The following KCNN3 variants were observed in gnomAD, a reference collection of about 807,000 sequenced individuals.
KCNN3 encodes the protein small conductance calcium-activated potassium channel protein 3.
A neutral mutation model predicts 62.9 loss-of-function variants in KCNN3; 16 were observed. The ratio of observed to expected loss-of-function variants is 0.25; its 90% CI spans 0.17 to 0.39. KCNN3 has a LOEUF of 0.39. KCNN3 is among the 10% of genes least tolerant of loss of function. The pLI is 1.00. For missense variants in KCNN3, 599 were observed against 949.4 expected, an observed-to-expected ratio of 0.63 and a Z score of 4.85; for synonymous variants, 370 against 389.2, an observed-to-expected ratio of 0.95 and a Z score of 0.58.
chr1:154,822,298 C>T, intron 1 of KCNN3, 114 bp from the exon 2 acceptor site: 4 of 801,132 alleles, frequency 5.0e-6, no homozygotes, highest in Non-Finnish European at 8.6e-6. Flanking sequence ...CTGTTACCAG[C>T]CCCTCCTAGG....
In KCNN3 at chr1:154,697,581, G is replaced by A. The variant is rs1421778523; in HGVS notation, c.*10395C>T. 6.6e-6 allele frequency: 1 copy of A among 152,138 alleles called. No individual in the cohort carries two copies. Among genetic ancestry groups the A allele is most frequent in the Non-Finnish European group, 1.5e-5 (1 of 68,028 alleles). 9.4% of individuals were successfully genotyped at this position (152,138 alleles called of 1,614,324 possible). A position where few individuals can be genotyped will look rare whatever the true frequency, so the allele number is the denominator to read the frequency against. On this transcript the variant is annotated 3_prime_UTR_variant, in exon 8 of 8. Coordinates refer to ENST00000271915, the MANE Select transcript of KCNN3 (RefSeq NM_002249.6). ...CAGCTTCAGTTCAAGCAGGAGTGGGGAAGGCCATAGACTAAGCCCACCTTC... is the reference window on the plus strand; with the variant it reads ...CAGCTTCAGTTCAAGCAGGAGTGGGAAAGGCCATAGACTAAGCCCACCTTC...
chr1:154,852,224 G>A (rs1389060465), intron 1 of KCNN3, among the ~76,000 whole-genome samples: 2 of 147,792 alleles, frequency 1.4e-5, no homozygotes, highest in Non-Finnish European at 3.0e-5. Context: ...TTTTTTTCTC[G>A]GACGGGGAGT....
chr1:154,865,739 A>G (rs761573159), intron 1 of KCNN3, among the ~76,000 whole-genome samples: 1 of 152,170 alleles, frequency 6.6e-6, no homozygotes. Flanking sequence ...CCCGCCAAAC[A>G]TAGGTGAACA....
intron 2 of KCNN3, among the ~76,000 whole-genome samples, chr1:154,777,284 G>C (rs1016184371): frequency 6.6e-6 from 1 of 152,084 alleles, no homozygotes; most frequent in African/African-American, 2.4e-5. Flanking sequence ...GACAGGAACC[G>C]TGCCTGGCTC....
At position 154,713,456 on chromosome 1, in the gene KCNN3, C is replaced by G. The variant is rs1700120313; in HGVS notation, c.1899+8G>C. On this transcript the variant is annotated splice_region_variant and intron_variant, in intron 7 of 7. Coordinates refer to ENST00000271915, the MANE Select transcript of KCNN3 (RefSeq NM_002249.6). Reference sequence around the variant, plus strand: ...TTCTAGGGGATGTCTCCAGACACTGCCACTCACCTTGGAAAGGTCCACCAG... The same window carrying G: ...TTCTAGGGGATGTCTCCAGACACTGGCACTCACCTTGGAAAGGTCCACCAG... 1 of 1,610,160 alleles carries G rather than the reference C, an allele frequency of 6.2e-7. No individual in the cohort carries two copies. Among genetic ancestry groups the G allele is most frequent in the Non-Finnish European group, 8.5e-7 (1 of 1,176,414 alleles).
At chr1:154,766,684 G>GC (rs778616164) in intron 3 of KCNN3, among the ~76,000 whole-genome samples, 1 of 135,412 alleles carries the variant, frequency 7.4e-6, no homozygotes, top group Admixed American at 7.4e-5. Context: ...TTTGGGGTTT[G>GC]TTTTTTTTTT....
Position 154,706,710 on chromosome 1 carries a change from A to G in KCNN3, c.*1266T>C, listed in dbSNP as rs1393501721. The G allele has an allele frequency of 6.6e-6, 1 of 152,236 alleles. No individual in the cohort carries two copies. The highest frequency in any genetic ancestry group is 2.4e-5 in the African/African-American group (1 of 41,458). 9.4% of individuals were successfully genotyped at this position (152,236 alleles called of 1,614,324 possible). A position where few individuals can be genotyped will look rare whatever the true frequency, so the allele number is the denominator to read the frequency against. The stretch of plus-strand genomic sequence containing the variant: ...TTTCATTTTGAGATGACTTAAGGTC[A>G]GGTAGAAGGGACCACATAGGCCACT... On this transcript the variant is annotated 3_prime_UTR_variant, in exon 8 of 8. Coordinates refer to ENST00000271915, the MANE Select transcript of KCNN3 (RefSeq NM_002249.6).
At chr1:154,770,132 C>T (rs1648480168) in intron 3 of KCNN3, among the ~76,000 whole-genome samples, 1 of 152,112 alleles carries the variant, frequency 6.6e-6, no homozygotes, top group Non-Finnish European at 1.5e-5. Context: ...GCAGTGTGGT[C>T]CCACTCAGAG....
At chr1:154,713,317 C>G in intron 7 of KCNN3, 147 bp downstream of exon 7, 1 of 686,002 alleles carries the variant, frequency 1.5e-6, no homozygotes, top group South Asian at 1.5e-5. Flanking sequence ...AAACTTGAGC[C>G]TAGGTATTTT....
chr1:154,730,450 A>G (rs1242160972), intron 4 of KCNN3, among the ~76,000 whole-genome samples: 2 of 152,170 alleles, frequency 1.3e-5, no homozygotes, highest in African/African-American at 4.8e-5. Flanking sequence ...TAGTAAAGGC[A>G]CTTGCAATAA....
chr1:154,866,926 G>C (rs1377491646), intron 1 of KCNN3, among the ~76,000 whole-genome samples: 3 of 152,212 alleles, frequency 2.0e-5, no homozygotes, highest in East Asian at 3.9e-4. Flanking sequence ...AAGAGGGCCT[G>C]ATCCTGCAGA....
At chr1:154,838,095 G>T (rs1418366420) in intron 1 of KCNN3, among the ~76,000 whole-genome samples, 1 of 152,182 alleles carries the variant, frequency 6.6e-6, no homozygotes, top group African/African-American at 2.4e-5. Context: ...GCTGACAGGG[G>T]TCAGGCGGCC....
intron 1 of KCNN3, among the ~76,000 whole-genome samples, chr1:154,828,783 T>G (rs1270469266): frequency 6.6e-6 from 1 of 152,250 alleles, no homozygotes; most frequent in Admixed American, 6.5e-5. Flanking sequence ...CAGATGTCAG[T>G]GCAGGTAAAT....
chr1:154,743,446 T>C (rs548889718), intron 3 of KCNN3, among the ~76,000 whole-genome samples: 3 of 152,156 alleles, frequency 2.0e-5, no homozygotes, highest in Non-Finnish European at 4.4e-5. Flanking sequence ...TCTGAGCCCA[T>C]CTCACCTTCG....
chr1:154,705,133 T>C lies in KCNN3; in HGVS notation c.*2843A>G, dbSNP rs1261064526. The C allele has an allele frequency of 6.6e-6, 1 of 152,134 alleles. No homozygotes were observed. Among genetic ancestry groups the C allele is most frequent in the Non-Finnish European group, 1.5e-5 (1 of 68,034 alleles). The allele number at this position is 152,134 out of a possible 1,614,324, so 9.4% of individuals were successfully genotyped here. A position where few individuals can be genotyped will look rare whatever the true frequency, so the allele number is the denominator to read the frequency against. On this transcript the variant is annotated 3_prime_UTR_variant, in exon 8 of 8. Transcript: ENST00000271915. The stretch of plus-strand genomic sequence containing the variant: ...TCCACCACAAAACTTGAAAATAAGG[T>C]ACAAGAAGGCATGACATGAGAATCC...
chr1:154,714,553 T>TGA, intron 6 of KCNN3, among the ~76,000 whole-genome samples: 1 of 76,604 alleles, frequency 1.3e-5, no homozygotes, highest in Non-Finnish European at 2.7e-5. Context: ...GGTGTGTGTG[T>TGA]GTGGTGTGTG....
chr1:154,865,954 C>T (rs1167952682), intron 1 of KCNN3, among the ~76,000 whole-genome samples: 2 of 152,170 alleles, frequency 1.3e-5, no homozygotes, highest in African/African-American at 4.8e-5. Context: ...CGCCTGCCTC[C>T]AGACTGGTCA....
chr1:154,740,640 C>T (rs1338521605), intron 3 of KCNN3, among the ~76,000 whole-genome samples: 1 of 152,230 alleles, frequency 6.6e-6, no homozygotes, highest in Non-Finnish European at 1.5e-5. Flanking sequence ...TTCTCCATAT[C>T]CTCATTAACA....
At chr1:154,756,760 A>G (rs1446137295) in intron 3 of KCNN3, among the ~76,000 whole-genome samples, 1 of 152,156 alleles carries the variant, frequency 6.6e-6, no homozygotes, top group Non-Finnish European at 1.5e-5. Flanking sequence ...CTTTCACAGT[A>G]TATGTCATAG....
Sources: gnomAD v4.1 joint callset for allele counts (sites outside exome capture counted in the v4.1 genomes callset) on GRCh38, gnomAD v4.1.1 for gene constraint, MANE v1.5 for transcripts, NCBI Gene and HGNC (gene_info 2026-07-23, HGNC 2026-07-21) for gene names.